The following CMSS1 variants were observed in gnomAD, a reference collection of about 807,000 sequenced individuals.
CMSS1 encodes the protein protein CMSS1.
In CMSS1, 33 loss-of-function variants were observed where a neutral mutation model predicts 43.5. The observed-to-expected ratio is 0.76, with a 90% CI of 0.57 to 1.01. CMSS1 has a LOEUF of 1.01. Ranked by LOEUF, CMSS1 falls within the 50% of genes least tolerant of loss-of-function variation. The probability of loss-of-function intolerance (pLI) is 0.00; values close to 1 mark genes in which losing one functional copy is unlikely to be tolerated. For missense variants in CMSS1, 313 were observed against 326.4 expected (o/e 0.96, Z 0.32); for synonymous variants, 115 against 117.2 (o/e 0.98, Z 0.12).
At chr3:99,980,695 C>T (rs1397937413) in intron 1 of CMSS1, among the ~76,000 whole-genome samples, 2 of 152,134 alleles carry the variant, frequency 1.3e-5, no homozygotes, top group Admixed American at 1.3e-4. Context: ...AATGGGACAG[C>T]GTATTGGCAG....
intron 1 of CMSS1, chr3:99,930,026 G>C (rs370064657): frequency 2.5e-6 from 4 of 1,597,952 alleles, no homozygotes; most frequent in Non-Finnish European, 3.4e-6. Flanking sequence ...ACCTCATCTC[G>C]AGCCTGTAGG....
intron 1 of CMSS1, chr3:99,924,274 C>T (rs758143462): frequency 1.2e-6 from 2 of 1,613,972 alleles, no homozygotes; most frequent in Non-Finnish European, 1.7e-6. Context: ...CATCACTCTT[C>T]TCCATGTATT....
intron 1 of CMSS1, among the ~76,000 whole-genome samples, chr3:99,920,637 A>C (rs1364501538): frequency 6.6e-6 from 1 of 152,228 alleles, no homozygotes; most frequent in Non-Finnish European, 1.5e-5. Context: ...GCCTGGGAAC[A>C]GGCTTTCCTG....
At chr3:99,824,387 A>C (rs986835046) in intron 1 of CMSS1, among the ~76,000 whole-genome samples, 1 of 152,148 alleles carries the variant, frequency 6.6e-6, no homozygotes, top group Non-Finnish European at 1.5e-5. Context: ...CTTAGCACCA[A>C]CTATTATTTT....
intron 1 of CMSS1, among the ~76,000 whole-genome samples, chr3:100,034,597 C>T (rs1446865015): frequency 2.0e-5 from 3 of 152,174 alleles, no homozygotes. Flanking sequence ...TTTAAACATG[C>T]TTCCTTATCA....
At chr3:99,828,409 G>GTTT (rs764895023) in intron 1 of CMSS1, among the ~76,000 whole-genome samples, 10 of 9,404 alleles carry the variant, frequency 1.1e-3, no homozygotes, top group African/African-American at 3.3e-3. Flanking sequence ...GTACATACGT[G>GTTT]TATTTTTTTT....
intron 1 of CMSS1, among the ~76,000 whole-genome samples, chr3:99,882,773 C>G (rs538233561): frequency 2.7e-4 from 41 of 152,280 alleles, no homozygotes; most frequent in African/African-American, 9.9e-4. Context: ...AGTAATTTAC[C>G]TAGCTTATAC....
chr3:99,987,615 A>G (rs1328665436), intron 1 of CMSS1, among the ~76,000 whole-genome samples: 1 of 152,154 alleles, frequency 6.6e-6, no homozygotes, highest in Non-Finnish European at 1.5e-5. Context: ...CTCTGGCCTT[A>G]ATCTTATTAA....
At chr3:99,985,176 G>A (rs551661920) in intron 1 of CMSS1, among the ~76,000 whole-genome samples, 1 of 152,144 alleles carries the variant, frequency 6.6e-6, no homozygotes, top group African/African-American at 2.4e-5. Flanking sequence ...CATCCTAGGG[G>A]GTCAAAGGTT....
Position 99,924,587 on chromosome 3 carries a change from C to T in CMSS1, c.64+106544C>T, listed in dbSNP as rs534442483. 7.0e-4 allele frequency among the ~76,000 whole-genome samples: 107 copies of T among 152,256 alleles called. 1 individual carries two copies. The highest frequency in any genetic ancestry group is 2.6e-3 in the African/African-American group (106 of 41,548). On this transcript the variant is annotated intron_variant, in intron 1 of 9. Coordinates refer to ENST00000421999, the MANE Select transcript of CMSS1 (RefSeq NM_032359.4). ...AGGCTGGAGTGCAATGGCGCGATCT[C>T]GACTCACTGCAACTTCCGCCTCCCG...
At chr3:100,006,183 A>T (rs1341716215) in intron 1 of CMSS1, among the ~76,000 whole-genome samples, 3 of 152,154 alleles carry the variant, frequency 2.0e-5, no homozygotes, top group Admixed American at 2.0e-4. Context: ...CTGGGGCAGT[A>T]AGACAGGCTG....
chr3:99,992,010 G>A (rs1204043789), intron 1 of CMSS1, among the ~76,000 whole-genome samples: 3 of 148,050 alleles, frequency 2.0e-5, no homozygotes, highest in Non-Finnish European at 3.0e-5. Context: ...ATATGTGTGT[G>A]TGTATATATA....
chr3:99,978,507 C>T (rs1014328072), intron 1 of CMSS1, among the ~76,000 whole-genome samples: 33 of 152,202 alleles, frequency 2.2e-4, no homozygotes, highest in Admixed American at 8.5e-4. Flanking sequence ...GCCTGGAGGG[C>T]ATATTGTTAA....
At chr3:100,014,874 CTT>C (rs200759774) in intron 1 of CMSS1, among the ~76,000 whole-genome samples, 3 of 28,212 alleles carry the variant, frequency 1.1e-4, no homozygotes, top group African/African-American at 4.5e-4. Context: ...TTTTTCTTTT[CTT>C]TTTTTTTTTT....
At chr3:100,097,942 A>G (rs937123137) in intron 1 of CMSS1, among the ~76,000 whole-genome samples, 2 of 152,202 alleles carry the variant, frequency 1.3e-5, no homozygotes, top group African/African-American at 2.4e-5. Context: ...TTGGTTTTTT[A>G]AAATTTCATC....
intron 1 of CMSS1, among the ~76,000 whole-genome samples, chr3:99,988,718 A>T (rs1709426535): frequency 6.6e-6 from 1 of 152,210 alleles, no homozygotes; most frequent in East Asian, 1.9e-4. Flanking sequence ...TCCTTTAAAC[A>T]TAAAAAAAGC....
intron 1 of CMSS1, among the ~76,000 whole-genome samples, chr3:99,907,308 C>T (rs564931515): frequency 3.3e-4 from 50 of 152,104 alleles, no homozygotes; most frequent in Admixed American, 1.3e-3. Flanking sequence ...AGTGCAGTGG[C>T]GCAATCTCAG....
chr3:100,039,365 A>T (rs1015569846), intron 1 of CMSS1, among the ~76,000 whole-genome samples: 66 of 152,236 alleles, frequency 4.3e-4, no homozygotes, highest in African/African-American at 1.6e-3. Flanking sequence ...CAAAGAGCAG[A>T]TGAAATATAA....
chr3:99,869,497 A>C (rs928838933), intron 1 of CMSS1, among the ~76,000 whole-genome samples: 1 of 152,196 alleles, frequency 6.6e-6, no homozygotes, highest in Non-Finnish European at 1.5e-5. Context: ...ATTTTCACAA[A>C]ATTCCACAGA....
Sources: gnomAD v4.1 joint callset for allele counts (sites outside exome capture counted in the v4.1 genomes callset) on GRCh38, gnomAD v4.1.1 for gene constraint, MANE v1.5 for transcripts, NCBI Gene and HGNC (gene_info 2026-07-23, HGNC 2026-07-21) for gene names.